The following PCDHGA3 variants were observed in gnomAD, a reference collection of about 807,000 sequenced individuals.
PCDHGA3 encodes protocadherin gamma subfamily A, 3.
A neutral mutation model predicts 58.5 loss-of-function variants in PCDHGA3; 40 were observed. The observed-to-expected ratio is 0.68, with a 90% CI of 0.53 to 0.89. The LOEUF (loss-of-function observed/expected upper bound fraction) is 0.89. Ranked by LOEUF, PCDHGA3 falls within the 40% of genes least tolerant of loss-of-function variation. The pLI, the probability that PCDHGA3 is intolerant of heterozygous loss-of-function variation, is 0.00. For synonymous variants in PCDHGA3, 530 were observed against 525.7 expected (o/e 1.01, Z -0.11); for missense variants, 1,223 against 1,195.9 (o/e 1.02, Z -0.33).
intron 1 of PCDHGA3, chr5:141,378,927 G>C (rs2150134897): frequency 6.6e-6 from 1 of 152,318 alleles, no homozygotes; most frequent in Admixed American, 6.5e-5. Context: ...AAAGTAAGTT[G>C]ATGGCCCTGG....
At chr5:141,389,008 G>A in intron 1 of PCDHGA3, 1 of 1,613,992 alleles carries the variant, frequency 6.2e-7, no homozygotes. Flanking sequence ...AAGGATTCCA[G>A]ACACAATGGA....
At chr5:141,406,011 G>A (rs1380278745) in intron 1 of PCDHGA3, among the ~76,000 whole-genome samples, 7 of 151,702 alleles carry the variant, frequency 4.6e-5, no homozygotes, top group African/African-American at 1.7e-4. Context: ...CATTGATGTG[G>A]GCTTTTTGGG....
chr5:141,422,869 T>A, intron 1 of PCDHGA3: 2 of 1,614,202 alleles, frequency 1.2e-6, no homozygotes, highest in Non-Finnish European at 1.7e-6. Context: ...CAGCAACGTG[T>A]CGCTGAGCCT....
intron 1 of PCDHGA3, chr5:141,383,770 A>G (rs776707003): frequency 6.2e-7 from 1 of 1,613,890 alleles, no homozygotes; most frequent in East Asian, 2.2e-5. Context: ...ACTTCCAAAG[A>G]TGTTTCATCT....
In PCDHGA3 at chr5:141,496,208, G is replaced by T. The variant is rs530974273; in HGVS notation, c.2483+1343G>T. On this transcript the variant is annotated intron_variant, in intron 2 of 3. Coordinates refer to ENST00000253812, the MANE Select transcript of PCDHGA3 (RefSeq NM_018916.4). Reference sequence around the variant, plus strand: ...CCAGCTGCTCATTTCAATCTGGTATGAATTCCTGCTGAGACAGGAACCCCC... The same window carrying T: ...CCAGCTGCTCATTTCAATCTGGTATTAATTCCTGCTGAGACAGGAACCCCC... Among the ~76,000 whole-genome samples, 13 of 152,222 alleles carry T rather than the reference G, an allele frequency of 8.5e-5. No homozygotes were observed. In the East Asian group the frequency reaches 2.3e-3, roughly 27 times the overall value.
chr5:141,488,690 G>A (rs1292736219), intron 1 of PCDHGA3, among the ~76,000 whole-genome samples: 1 of 152,186 alleles, frequency 6.6e-6, no homozygotes, highest in African/African-American at 2.4e-5. Flanking sequence ...TCTCCCAGAA[G>A]GACAAGATTT....
At chr5:141,360,458 C>G (rs532873096) in intron 1 of PCDHGA3, 16 of 1,613,856 alleles carry the variant, frequency 9.9e-6, no homozygotes, top group Non-Finnish European at 1.4e-5. Flanking sequence ...GATTTCGATA[C>G]TGTCGCTGAA....
intron 1 of PCDHGA3, among the ~76,000 whole-genome samples, chr5:141,435,732 C>T (rs2097777160): frequency 6.6e-6 from 1 of 152,150 alleles, no homozygotes; most frequent in South Asian, 2.1e-4. Flanking sequence ...AAGTGTATTA[C>T]TCTTTGAAAA....
chr5:141,419,735 G>T (rs1013306543), intron 1 of PCDHGA3: 1 of 1,613,806 alleles, frequency 6.2e-7, no homozygotes, highest in Non-Finnish European at 8.5e-7. Context: ...AACAGGCGAG[G>T]TGCGCATGGT....
intron 1 of PCDHGA3, chr5:141,383,002 G>C (rs376825891): frequency 1.2e-6 from 2 of 1,613,768 alleles, no homozygotes; most frequent in African/African-American, 1.3e-5. Context: ...TCTCTACTCC[G>C]TGTCGGAGGA....
chr5:141,412,343 A>T (rs928223487), intron 1 of PCDHGA3: 2 of 152,166 alleles, frequency 1.3e-5, no homozygotes, highest in African/African-American at 4.8e-5. Context: ...ATATATGTTC[A>T]TTTTAGTTTG....
At chr5:141,442,737 G>A (rs1376026431) in intron 1 of PCDHGA3, among the ~76,000 whole-genome samples, 1 of 152,152 alleles carries the variant, frequency 6.6e-6, no homozygotes, top group Non-Finnish European at 1.5e-5. Flanking sequence ...CTGTAGGTAA[G>A]GAGCATGTTT....
At chr5:141,388,580 G>T (rs376569160) in intron 1 of PCDHGA3, 1 of 1,613,868 alleles carries the variant, frequency 6.2e-7, no homozygotes, top group Admixed American at 1.7e-5. Flanking sequence ...ACGTTCTAGT[G>T]ACTGATGCCA....
chr5:141,487,455 A>G lies in PCDHGA3; in HGVS notation c.2425-7352A>G, dbSNP rs751456631. 6.2e-7 allele frequency: 1 copy of G among 1,614,122 alleles called. No individual in the cohort carries two copies. The highest frequency in any genetic ancestry group is 8.5e-7 in the Non-Finnish European group (1 of 1,180,032). On this transcript the variant is annotated intron_variant, in intron 1 of 3. Coordinates refer to ENST00000253812, the MANE Select transcript of PCDHGA3 (RefSeq NM_018916.4). The surrounding 1 kb of genome is among the most constrained non-coding windows in gnomAD (Gnocchi z 5.0). ...CAGCTAGGGTCAGATGACCCTATCA[A>G]GTTTGTTGATGTGGGAGGCCACTCT...
chr5:141,360,157 T>A (rs185682995), intron 1 of PCDHGA3: 3 of 1,603,412 alleles, frequency 1.9e-6, no homozygotes, highest in African/African-American at 1.3e-5. Flanking sequence ...CTCAGGGAGG[T>A]GCGGGCTGGT....
At chr5:141,433,099 C>T (rs1003269683) in intron 1 of PCDHGA3, 1 of 1,614,190 alleles carries the variant, frequency 6.2e-7, no homozygotes, top group Non-Finnish European at 8.5e-7. Context: ...ACATGCTCGT[C>T]AGCCAGGAGA....
chr5:141,355,152 C>T (rs533009974), intron 1 of PCDHGA3: 264 of 1,548,788 alleles, frequency 1.7e-4, no homozygotes, highest in African/African-American at 1.2e-3. Flanking sequence ...CTCCTCAGGC[C>T]TCGACAGAGG....
chr5:141,460,388 G>T (rs1425099375), intron 1 of PCDHGA3, among the ~76,000 whole-genome samples: 1 of 151,774 alleles, frequency 6.6e-6, no homozygotes, highest in East Asian at 1.9e-4. Context: ...TTATAATTTG[G>T]TCTATGAATC....
rs1431516547 is a variant in PCDHGA3, at chr5:141,361,467, C to G, written c.2424+15010C>G. The G allele has an allele frequency of 5.6e-6, 9 of 1,613,928 alleles. No individual in the cohort carries two copies. The highest frequency in any genetic ancestry group is 7.6e-6 in the Non-Finnish European group (9 of 1,179,906). ...TAATTGTCACCCTGCACATCTCCGA[C>G]GTCAACGATAATGCCCCAGTTTTCC... On this transcript the variant is annotated intron_variant, in intron 1 of 3. Transcript: ENST00000253812.
Sources: allele counts gnomAD v4.1 joint callset (sites outside exome capture counted in the v4.1 genomes callset), GRCh38; gene constraint gnomAD v4.1.1; non-coding constraint Gnocchi (gnomAD v3.1); transcripts MANE v1.5; gene names NCBI Gene and HGNC (gene_info 2026-07-23, HGNC 2026-07-21).